THSD7B: variants seen among roughly 807,000 people sequenced by gnomAD.
THSD7B encodes the protein thrombospondin type 1 domain containing 7B.
In THSD7B, 138 loss-of-function variants were observed where a neutral mutation model predicts 213.6. That is an observed-to-expected ratio of 0.65 (90% CI 0.56 to 0.74). The LOEUF (loss-of-function observed/expected upper bound fraction) is 0.74. Among genes scored for constraint, THSD7B ranks in the 30% least tolerant of loss-of-function variants. The pLI, the probability that THSD7B is intolerant of heterozygous loss-of-function variation, is 0.00. For synonymous variants in THSD7B, 742 were observed against 687.0 expected (o/e 1.08, Z -1.25); for missense variants, 1,931 against 1,991.5 (o/e 0.97, Z 0.58).
rs149693792 is a variant in THSD7B at position 137,291,048 on chromosome 2, C to T, written c.2500+15022C>T. ...GTTTCTGTCCTTTTCTATTCAAAGT[C>T]CTTATTACCATGCACACTTTTATGT... On this transcript the variant is annotated intron_variant, in intron 12 of 27. Coordinates refer to ENST00000409968, the MANE Select transcript of THSD7B (RefSeq NM_001316349.2). Among the ~76,000 whole-genome samples, 204 of 152,246 alleles carry T rather than the reference C, an allele frequency of 1.3e-3. 1 individual carries two copies. Among genetic ancestry groups the T allele is most frequent in the African/African-American group, 4.7e-3 (197 of 41,570 alleles).
At chr2:137,122,021 T>G (rs1440415830) in intron 5 of THSD7B, among the ~76,000 whole-genome samples, 1 of 151,980 alleles carries the variant, frequency 6.6e-6, no homozygotes, top group African/African-American at 2.4e-5. Flanking sequence ...GGGGAAAGAT[T>G]GGGAAGGAAA....
intron 2 of THSD7B, among the ~76,000 whole-genome samples, chr2:136,896,768 T>C (rs1315553617): frequency 6.6e-6 from 1 of 152,114 alleles, no homozygotes; most frequent in Non-Finnish European, 1.5e-5. Context: ...GGCTATTCAA[T>C]TGTGCTAGCA....
intron 14 of THSD7B, among the ~76,000 whole-genome samples, chr2:137,442,451 A>G (rs942790157): frequency 6.6e-6 from 1 of 151,904 alleles, no homozygotes; most frequent in African/African-American, 2.4e-5. Context: ...AGATTACTTC[A>G]AAGTCTCGGT....
chr2:137,122,699 A>G (rs1296595622), intron 5 of THSD7B, among the ~76,000 whole-genome samples: 1 of 152,096 alleles, frequency 6.6e-6, no homozygotes, highest in Non-Finnish European at 1.5e-5. Flanking sequence ...ACAATGCTGA[A>G]CATCTTTCAC....
intron 14 of THSD7B, among the ~76,000 whole-genome samples, chr2:137,421,554 T>TC (rs1686926385): frequency 6.6e-6 from 1 of 152,186 alleles, no homozygotes; most frequent in African/African-American, 2.4e-5. Flanking sequence ...TTCCATGCTC[T>TC]CCCTGGGCAC....
intron 27 of THSD7B, among the ~76,000 whole-genome samples, chr2:137,675,786 A>G (rs954651975): frequency 1.3e-5 from 2 of 152,022 alleles, no homozygotes; most frequent in South Asian, 2.1e-4. Flanking sequence ...AGGAGAGAGG[A>G]TAAGTGTGGT....
chr2:136,921,413 A>C (rs1487020610), intron 2 of THSD7B, among the ~76,000 whole-genome samples: 1 of 151,312 alleles, frequency 6.6e-6, no homozygotes, highest in Non-Finnish European at 1.5e-5. Flanking sequence ...ACAGACACAC[A>C]CCATTGCAAC....
At chr2:136,784,399 G>A (rs1038888982) in intron 1 of THSD7B, among the ~76,000 whole-genome samples, 2 of 151,928 alleles carry the variant, frequency 1.3e-5, no homozygotes, top group South Asian at 4.1e-4. Context: ...GAAATGGCTA[G>A]GCACAGATTT....
At chr2:137,041,435 C>CA (rs1437853832) in intron 2 of THSD7B, among the ~76,000 whole-genome samples, 2 of 151,762 alleles carry the variant, frequency 1.3e-5, no homozygotes, top group African/African-American at 4.8e-5. Flanking sequence ...CAATTGGCAA[C>CA]ATACATATAT....
At chr2:137,222,908 A>G (rs4954485) in intron 7 of THSD7B, among the ~76,000 whole-genome samples, 42,903 of 152,074 alleles carry the variant, frequency 0.28, 6,889 homozygotes, top group East Asian at 0.48. Context: ...TGGAGAAGAT[A>G]GTAGATAGTG....
At chr2:137,373,655 T>C (rs1685585787) in intron 12 of THSD7B, among the ~76,000 whole-genome samples, 1 of 152,354 alleles carries the variant, frequency 6.6e-6, no homozygotes, top group Non-Finnish European at 1.5e-5. Flanking sequence ...GGTTGCCTGT[T>C]CACTCTGATG....
intron 12 of THSD7B, among the ~76,000 whole-genome samples, chr2:137,372,984 G>A (rs374315049): frequency 1.3e-5 from 2 of 151,672 alleles, no homozygotes; most frequent in Admixed American, 6.6e-5. Flanking sequence ...TACTGAGAAT[G>A]ATGATTTCCA....
intron 14 of THSD7B, among the ~76,000 whole-genome samples, chr2:137,446,328 C>G (rs1367515544): frequency 6.6e-6 from 1 of 152,044 alleles, no homozygotes; most frequent in Non-Finnish European, 1.5e-5. Flanking sequence ...ATTCGGAGAA[C>G]TGTGCTTACA....
chr2:137,187,579 T>C (rs1409584873), intron 7 of THSD7B, among the ~76,000 whole-genome samples: 6 of 152,120 alleles, frequency 3.9e-5, no homozygotes, highest in Non-Finnish European at 8.8e-5. Flanking sequence ...CTCTGTGTTG[T>C]AAGAGGCTAG....
In THSD7B at chr2:137,411,885, A is replaced by G; in HGVS notation, c.2959+13A>G. 1.2e-6 allele frequency: 2 copies of G among 1,613,594 alleles called. No individual in the cohort carries two copies. The highest frequency in any genetic ancestry group is 2.2e-5 in the East Asian group (1 of 44,862). On this transcript the variant is annotated intron_variant, in intron 14 of 27. Coordinates refer to ENST00000409968, the MANE Select transcript of THSD7B (RefSeq NM_001316349.2). ...TGCAGCAGCTCTGGTAAGGAGATGG[A>G]TGGAGAGTAACAGATGAGAACACTC...
intron 1 of THSD7B, among the ~76,000 whole-genome samples, chr2:136,838,571 G>T (rs1428805708): frequency 1.3e-5 from 2 of 152,016 alleles, no homozygotes; most frequent in Non-Finnish European, 1.5e-5. Flanking sequence ...TTATATTTTG[G>T]TCATTTAATT....
At chr2:137,025,546 A>G (rs919833773) in intron 2 of THSD7B, among the ~76,000 whole-genome samples, 1 of 152,002 alleles carries the variant, frequency 6.6e-6, no homozygotes, top group Non-Finnish European at 1.5e-5. Context: ...GAGTTTTTTT[A>G]TTTGCACACA....
At chr2:137,127,092 A>G (rs1197716342) in intron 5 of THSD7B, among the ~76,000 whole-genome samples, 1 of 152,212 alleles carries the variant, frequency 6.6e-6, no homozygotes, top group Non-Finnish European at 1.5e-5. Flanking sequence ...GTGTGAAATA[A>G]TGCAAGAATT....
chr2:136,990,893 T>A (rs2104815505), intron 2 of THSD7B: 1 of 1,347,970 alleles, frequency 7.4e-7, no homozygotes, highest in Non-Finnish European at 9.9e-7. Context: ...GGCGAAACGA[T>A]GCATAACACA....
Sources: allele counts gnomAD v4.1 joint callset (sites outside exome capture counted in the v4.1 genomes callset), GRCh38; gene constraint gnomAD v4.1.1; transcripts MANE v1.5; gene names NCBI Gene and HGNC (gene_info 2026-07-23, HGNC 2026-07-21).